The following TMCC1 variants were observed in gnomAD, a reference collection of about 807,000 sequenced individuals.
The protein encoded by TMCC1 is transmembrane and coiled-coil domains protein 1.
Under a neutral mutation model 52.4 loss-of-function variants are expected in TMCC1, and 15 were observed. That is an observed-to-expected ratio of 0.29 (90% confidence interval 0.19 to 0.44). The LOEUF is 0.44. Ranked by LOEUF, TMCC1 falls within the 20% of genes least tolerant of loss-of-function variation. The pLI, the probability that TMCC1 is intolerant of heterozygous loss-of-function variation, is 1.00. For missense variants in TMCC1, 503 were observed against 806.0 expected (o/e 0.62, Z 4.55); for synonymous variants, 279 against 301.9 (o/e 0.92, Z 0.79).
At chr3:129,750,500 C>CT (rs958134177) in intron 4 of TMCC1, among the ~76,000 whole-genome samples, 64 of 150,450 alleles carry the variant, frequency 4.3e-4, no homozygotes, top group African/African-American at 1.5e-3. Flanking sequence ...CCTTCAAAAT[C>CT]TTTAAATATA....
intron 4 of TMCC1, among the ~76,000 whole-genome samples, chr3:129,784,416 A>G (rs2055809320): frequency 6.6e-6 from 1 of 152,010 alleles, no homozygotes; most frequent in Non-Finnish European, 1.5e-5. Context: ...AATACAAAAA[A>G]TTAGCCCGGT....
intron 4 of TMCC1, among the ~76,000 whole-genome samples, chr3:129,735,839 A>T (rs1042987371): frequency 2.6e-5 from 4 of 152,152 alleles, no homozygotes; most frequent in African/African-American, 9.7e-5. Flanking sequence ...CATCTGCTAC[A>T]ATACAGTACA....
chr3:129,867,068 A>T (rs1577147461), intron 2 of TMCC1: 1 of 151,860 alleles, frequency 6.6e-6, no homozygotes, highest in African/African-American at 2.4e-5. Context: ...CCTCACCTAC[A>T]CGAGTCTCAT....
At chr3:129,888,247 T>G (rs2061812378) in intron 1 of TMCC1, among the ~76,000 whole-genome samples, 1 of 152,188 alleles carries the variant, frequency 6.6e-6, no homozygotes. Flanking sequence ...CATGTGGTAA[T>G]GAATTAGAGT....
At chr3:129,851,889 C>A in intron 2 of TMCC1, among the ~76,000 whole-genome samples, 1 of 152,194 alleles carries the variant, frequency 6.6e-6, no homozygotes. Flanking sequence ...GTGGCTCACG[C>A]CCATAATCCC....
intron 4 of TMCC1, among the ~76,000 whole-genome samples, chr3:129,722,923 A>AT (rs2049739941): frequency 6.6e-6 from 1 of 152,252 alleles, no homozygotes. Context: ...GGGTAATTCA[A>AT]TATCAAACTT....
intron 5 of TMCC1, among the ~76,000 whole-genome samples, chr3:129,665,239 T>A (rs2087355319): frequency 6.6e-6 from 1 of 152,058 alleles, no homozygotes; most frequent in African/African-American, 2.4e-5. Flanking sequence ...ATGTGGGCAA[T>A]GAAAAAATAA....
At chr3:129,731,666 C>T (rs140722101) in intron 4 of TMCC1, among the ~76,000 whole-genome samples, 244 of 151,882 alleles carry the variant, frequency 1.6e-3, no homozygotes, top group African/African-American at 5.3e-3. Context: ...CGTGAGCCAC[C>T]GTGCCTGGCC....
Position 129,757,893 on chromosome 3 carries a change from A to G in TMCC1, c.576+69910T>C, listed in dbSNP as rs941662500. On this transcript the variant is annotated intron_variant, in intron 4 of 6. Transcript: ENST00000393238. ...TCAAAATCACAACATGACTCCATGCATTTGTCCAAACCCACAACTGGACAT... is the reference window on the plus strand; with the variant it reads ...TCAAAATCACAACATGACTCCATGCGTTTGTCCAAACCCACAACTGGACAT... Among the ~76,000 whole-genome samples, 68 of 152,188 alleles carry G rather than the reference A, an allele frequency of 4.5e-4. 1 individual carries two copies. The highest frequency in any genetic ancestry group is 1.6e-3 in the African/African-American group (66 of 41,536).
intron 2 of TMCC1, among the ~76,000 whole-genome samples, chr3:129,869,617 A>AT (rs2060820864): frequency 6.6e-6 from 1 of 152,224 alleles, no homozygotes; most frequent in African/African-American, 2.4e-5. Flanking sequence ...TCAGTGTCAT[A>AT]GAACTGAAGG....
chr3:129,889,075 C>T (rs1243050885), intron 1 of TMCC1, among the ~76,000 whole-genome samples: 1 of 152,084 alleles, frequency 6.6e-6, no homozygotes, highest in Non-Finnish European at 1.5e-5. Flanking sequence ...AGTTCGAGAC[C>T]AGCCTGGGCA....
At chr3:129,853,227 C>T (rs2059995286) in intron 2 of TMCC1, among the ~76,000 whole-genome samples, 2 of 152,010 alleles carry the variant, frequency 1.3e-5, no homozygotes, top group Admixed American at 1.3e-4. Flanking sequence ...CTGTAGTATA[C>T]ACTGCAGTAC....
chr3:129,859,651 T>TACACACAC (rs59213877), intron 2 of TMCC1, among the ~76,000 whole-genome samples: 19 of 148,796 alleles, frequency 1.3e-4, no homozygotes, highest in African/African-American at 4.2e-4. Context: ...CACACACACA[T>TACACACAC]ACACACACAC....
At chr3:129,774,368 T>TA (rs1052364331) in intron 4 of TMCC1, among the ~76,000 whole-genome samples, 1 of 152,140 alleles carries the variant, frequency 6.6e-6, no homozygotes, top group Admixed American at 6.5e-5. Flanking sequence ...TTATCATACC[T>TA]AAAAAAATGC....
intron 4 of TMCC1, among the ~76,000 whole-genome samples, chr3:129,711,142 G>T (rs191484320): frequency 6.6e-6 from 1 of 152,332 alleles, no homozygotes; most frequent in Admixed American, 6.5e-5. Flanking sequence ...AGGATTACAG[G>T]TGTGAGCCAC....
At chr3:129,787,176 T>C (rs1237710049) in intron 4 of TMCC1, among the ~76,000 whole-genome samples, 1 of 152,198 alleles carries the variant, frequency 6.6e-6, no homozygotes, top group African/African-American at 2.4e-5. Flanking sequence ...AGGAGAAACC[T>C]TCAGAGAGGT....
At chr3:129,762,543 T>G (rs2107681163) in intron 4 of TMCC1, among the ~76,000 whole-genome samples, 1 of 152,212 alleles carries the variant, frequency 6.6e-6, no homozygotes, top group East Asian at 1.9e-4. Context: ...ATCCCAGCAC[T>G]TTGGTAGGTC....
intron 2 of TMCC1, among the ~76,000 whole-genome samples, chr3:129,858,619 A>G (rs1186426250): frequency 6.6e-6 from 1 of 151,742 alleles, no homozygotes; most frequent in African/African-American, 2.4e-5. Context: ...CAATCCACCC[A>G]CCTCAGCCTC....
chr3:129,655,246 A>G, intron 5 of TMCC1, 143 bp from the exon 6 acceptor site: 2 of 989,932 alleles, frequency 2.0e-6, no homozygotes, highest in South Asian at 3.4e-5. Context: ...AGGGTGTGCC[A>G]GTGGGTATAG....
Sources: gnomAD v4.1 joint callset for allele counts (sites outside exome capture counted in the v4.1 genomes callset) on GRCh38, gnomAD v4.1.1 for gene constraint, MANE v1.5 for transcripts, NCBI Gene and HGNC (gene_info 2026-07-23, HGNC 2026-07-21) for gene names.